The following ZNF185 variants were observed in gnomAD, a reference collection of about 807,000 sequenced individuals.
ZNF185 encodes zinc finger protein 185 with LIM domain.
ZNF185 carries 56 observed loss-of-function variants against 58.6 expected under a neutral mutation model. The observed-to-expected ratio is 0.95, with a 90% CI of 0.77 to 1.19. The LOEUF (loss-of-function observed/expected upper bound fraction) is 1.19. Ranked by LOEUF, ZNF185 falls within the 50% of genes most tolerant of loss-of-function variation. ZNF185 has a pLI of 0.00. For missense variants in ZNF185, 627 were observed against 573.5 expected (o/e 1.09, Z -0.95); for synonymous variants, 230 against 215.9 (o/e 1.07, Z -0.57).
intron 7 of ZNF185, among the ~76,000 whole-genome samples, chrX:152,919,957 T>C (rs1467159046): frequency 8.8e-6 from 1 of 113,166 alleles, no homozygotes; most frequent in African/African-American, 3.2e-5. Flanking sequence ...GAATGCCAGC[T>C]CTGCCACCTG....
intron 12 of ZNF185, among the ~76,000 whole-genome samples, chrX:152,930,737 G>A (rs1285926266): frequency 9.0e-6 from 1 of 111,572 alleles, no homozygotes; most frequent in African/African-American, 3.3e-5. Context: ...GTGTGGCCAG[G>A]GAGGTAGGCA....
At chrX:152,965,663 G>A (rs1260830056) in intron 19 of ZNF185, 136 bp downstream of exon 21, 3 of 507,229 alleles carry the variant, frequency 5.9e-6, no homozygotes, top group Admixed American at 6.7e-5. Context: ...GATGAGTGAT[G>A]TAGTTGCCCT....
At chrX:152,931,611 C>G in intron 12 of ZNF185, 61 bp from the exon 14 acceptor site, 1 of 1,009,432 alleles carries the variant, frequency 9.9e-7, no homozygotes, top group Non-Finnish European at 1.4e-6. Context: ...GATGAGGTAA[C>G]AGCCCACACC....
At chrX:152,907,033 C>G in the ZNF185 span, among the ~76,000 whole-genome samples, 1 of 111,462 alleles carries the variant, frequency 9.0e-6, no homozygotes, top group African/African-American at 3.3e-5. Flanking sequence ...GAGCCAGCTT[C>G]TCTGGGAGGT....
At chrX:152,946,302 G>A (rs1219593204) in intron 16 of ZNF185, among the ~76,000 whole-genome samples, 1 of 112,189 alleles carries the variant, frequency 8.9e-6, no homozygotes, top group Non-Finnish European at 1.9e-5. Context: ...CTTTTGCAGG[G>A]ATGAAAGAAA....
intron 17 of ZNF185, among the ~76,000 whole-genome samples, chrX:152,960,201 C>T (rs1218918920): frequency 1.8e-5 from 2 of 111,909 alleles, no homozygotes; most frequent in Non-Finnish European, 3.8e-5. Context: ...ATATAGGTTG[C>T]TTTTTCTGTT....
At position 152,918,121 on chromosome X, in the gene ZNF185, GC is replaced by G; in HGVS notation, c.399del (p.Tyr134ThrfsTer3). On this transcript the variant is annotated frameshift_variant, in exon 6 of 23. Coordinates refer to ENST00000449285, the Ensembl canonical transcript of ZNF185. LOFTEE classifies it high-confidence loss of function. ...GGTCCTCCCCGCCCCTCCTCCTCTG[GC>G]TACAAGATGACCACTGAGGATTACA... 1.7e-6 allele frequency: 2 copies of G among 1,196,352 alleles called. No homozygotes were observed. The highest frequency in any genetic ancestry group is 2.3e-6 in the Non-Finnish European group (2 of 887,636).
chrX:152,918,243 C>A, intron 6 of ZNF185, 89 bp downstream of exon 7: 1 of 1,038,881 alleles, frequency 9.6e-7, no homozygotes, highest in South Asian at 2.0e-5. Flanking sequence ...TGACTACTTG[C>A]CACCGAGCAC....
the ZNF185 span, among the ~76,000 whole-genome samples, chrX:152,900,120 C>G: frequency 1.4e-4 from 16 of 112,551 alleles, no homozygotes; most frequent in Middle Eastern, 9.2e-3. Flanking sequence ...CTCAGCCTCC[C>G]TCAGCCTGAC....
intron 11 of ZNF185, among the ~76,000 whole-genome samples, chrX:152,926,996 C>T (rs73641513): frequency 0.022 from 2,455 of 112,273 alleles, 74 homozygotes; most frequent in African/African-American, 0.075. Flanking sequence ...CTTCGCGCAG[C>T]CGTCTTCCCT....
At chrX:152,961,323 AC>A (rs1556910144) in intron 17 of ZNF185, among the ~76,000 whole-genome samples, 1 of 111,487 alleles carries the variant, frequency 9.0e-6, no homozygotes, top group Non-Finnish European at 1.9e-5. Context: ...ATTTTTGCTG[AC>A]CTCTTGCATT....
intron 11 of ZNF185, among the ~76,000 whole-genome samples, chrX:152,928,095 G>C (rs1256828553): frequency 9.1e-6 from 1 of 110,009 alleles, no homozygotes; most frequent in East Asian, 2.8e-4. Context: ...AAAGCTCAAA[G>C]GGGCCCTTTG....
At chrX:152,904,171 C>T in the ZNF185 span, among the ~76,000 whole-genome samples, 1 of 112,220 alleles carries the variant, frequency 8.9e-6, no homozygotes, top group Non-Finnish European at 1.9e-5. Context: ...GGGACTGGAG[C>T]ATCCCAGGCA....
chrX:152,922,866 C>T (rs1940051613), intron 11 of ZNF185, 57 bp downstream of exon 12: 7 of 1,085,198 alleles, frequency 6.5e-6, no homozygotes, highest in Non-Finnish European at 8.7e-6. Context: ...TCCCGCCAGC[C>T]TGGCTGGCTG....
intron 9 of ZNF185, among the ~76,000 whole-genome samples, chrX:152,921,608 A>C (rs900988330): frequency 9.0e-5 from 10 of 111,481 alleles, no homozygotes; most frequent in Non-Finnish European, 1.5e-4. Context: ...GTGGCTTAAA[A>C]CATCAGAAAG....
intron 7 of ZNF185, 138 bp from the exon 9 acceptor site, chrX:152,920,190 C>T: frequency 2.1e-6 from 1 of 472,890 alleles, no homozygotes; most frequent in Admixed American, 4.0e-5. Flanking sequence ...GTCCTTGGAG[C>T]AGGTGCAAAT....
chrX:152,969,355 A>G (rs1376739691), intron 20 of ZNF185, 27 bp from the exon 23 acceptor site: 3 of 1,155,351 alleles, frequency 2.6e-6, no homozygotes, highest in African/African-American at 3.6e-5. Flanking sequence ...CAGCCTGACC[A>G]CCGGGTTATT....
intron 18 of ZNF185, among the ~76,000 whole-genome samples, chrX:152,964,914 C>A (rs1406581355): frequency 9.0e-6 from 1 of 111,566 alleles, no homozygotes. Context: ...AGAGGCCAGT[C>A]CAGGATGAGG....
At chrX:152,938,892 C>G (rs782108622) in intron 15 of ZNF185, among the ~76,000 whole-genome samples, 101 of 84,513 alleles carry the variant, frequency 1.2e-3, no homozygotes, top group African/African-American at 5.4e-3. Context: ...AAAGGCAACT[C>G]AGGCGATCTC....
Sources: gnomAD v4.1 joint callset for allele counts (sites outside exome capture counted in the v4.1 genomes callset) on GRCh38, gnomAD v4.1.1 for gene constraint, MANE v1.5 for transcripts, NCBI Gene and HGNC (gene_info 2026-07-23, HGNC 2026-07-21) for gene names.